Variants in LSM6 observed in about 807,000 individuals in gnomAD.
LSM6 encodes the protein U6 snRNA-associated Sm-like protein LSm6.
A neutral mutation model predicts 13.5 loss-of-function variants in LSM6; 2 were observed. That is an observed-to-expected ratio of 0.15 (90% CI 0.06 to 0.47). The LOEUF is 0.47. Ranked by LOEUF, LSM6 falls within the 20% of genes least tolerant of loss-of-function variation. The probability of loss-of-function intolerance (pLI) is 0.97; values close to 1 mark genes in which losing one functional copy is unlikely to be tolerated. For missense variants in LSM6, 58 were observed against 96.4 expected, an observed-to-expected ratio of 0.60 and a Z score of 1.67; for synonymous variants, 43 against 34.9, an observed-to-expected ratio of 1.23 and a Z score of -0.82.
chr4:146,188,958 T>C (rs1423741293), intron 3 of LSM6, among the ~76,000 whole-genome samples: 1 of 151,946 alleles, frequency 6.6e-6, no homozygotes, highest in Non-Finnish European at 1.5e-5. Flanking sequence ...CCTGGTTAGA[T>C]TTACTGATTT....
At chr4:146,189,584 T>C (rs1730423765) in intron 3 of LSM6, 38 bp from the exon 4 acceptor site, 1 of 1,415,486 alleles carries the variant, frequency 7.1e-7, no homozygotes, top group Admixed American at 1.9e-5. Context: ...ACAAGCAGGG[T>C]TTTTTAAATT....
intron 2 of LSM6, among the ~76,000 whole-genome samples, chr4:146,186,987 T>C (rs570489166): frequency 6.6e-6 from 1 of 152,228 alleles, no homozygotes; most frequent in South Asian, 2.1e-4. Flanking sequence ...TCTCTTACTT[T>C]TTTGAATGCT....
intron 2 of LSM6, among the ~76,000 whole-genome samples, chr4:146,185,130 G>A (rs1456041492): frequency 2.0e-5 from 3 of 152,088 alleles, no homozygotes; most frequent in African/African-American, 7.2e-5. Context: ...GACATATATT[G>A]TGAAGTTGAC....
At chr4:146,184,333 A>G (rs139275315) in intron 2 of LSM6, among the ~76,000 whole-genome samples, 23 of 152,250 alleles carry the variant, frequency 1.5e-4, no homozygotes, top group African/African-American at 4.1e-4. Flanking sequence ...TAATAGTCAT[A>G]GTAATCTCTT....
rs200388070 is a variant in LSM6 at position 146,182,974 on chromosome 4, G to A, written c.53G>A (p.Arg18Gln). The change falls in exon 2 of 4, where the codon CGA (arginine) becomes CAA (glutamine). Residue 18 changes from arginine (R) to glutamine (Q), a missense_variant. Physicochemically the swap from Arg to Gln is conservative, Grantham distance 43. This residue lies in a region of LSM6 where 28 missense variants were observed against 32.6 expected (regional missense o/e 0.86). Transcript: ENST00000296581. ...PSDFLKQIIGRPVVVKLNSGV... is the reference protein window; with the variant it reads ...PSDFLKQIIGQPVVVKLNSGV... ...GACTTCTTAAAGCAAATCATCGGAC[G>A]ACCAGTTGTGGTAAAATTAAATTCT... The A allele has an allele frequency of 6.2e-7, 1 of 1,613,404 alleles. No individual in the cohort carries two copies. The highest frequency in any genetic ancestry group is 8.5e-7 in the Non-Finnish European group (1 of 1,179,480).
At chr4:146,187,528 A>G (rs1730374775) in intron 3 of LSM6, 141 bp downstream of exon 3, 1 of 571,314 alleles carries the variant, frequency 1.8e-6, no homozygotes, top group Non-Finnish European at 3.1e-6. Context: ...TCAGATCTTC[A>G]GTTTGACCAG....
At chr4:146,184,753 T>C (rs1296982471) in intron 2 of LSM6, among the ~76,000 whole-genome samples, 7 of 152,208 alleles carry the variant, frequency 4.6e-5, no homozygotes, top group East Asian at 3.8e-4. Context: ...AAAATTTTTC[T>C]ATTTATAAAG....
At chr4:146,181,816 AC>A (rs1730238032) in intron 1 of LSM6, among the ~76,000 whole-genome samples, 1 of 152,200 alleles carries the variant, frequency 6.6e-6, no homozygotes, top group Admixed American at 6.5e-5. Flanking sequence ...TTGCTTAACT[AC>A]AGTTTTATTA....
intron 1 of LSM6, among the ~76,000 whole-genome samples, chr4:146,178,171 C>T (rs1730151481): frequency 6.6e-6 from 1 of 152,170 alleles, no homozygotes; most frequent in Admixed American, 6.5e-5. Context: ...TTGGCACTGG[C>T]CTTGAATGTC....
intron 3 of LSM6, among the ~76,000 whole-genome samples, chr4:146,187,824 C>A (rs1452096520): frequency 6.6e-6 from 1 of 152,152 alleles, no homozygotes; most frequent in African/African-American, 2.4e-5. Context: ...AGATTTGCAT[C>A]CTTCAGTTTG....
intron 2 of LSM6, among the ~76,000 whole-genome samples, chr4:146,186,709 G>C (rs1453417380): frequency 2.0e-5 from 3 of 152,222 alleles, no homozygotes; most frequent in Admixed American, 2.0e-4. Context: ...TTCACTGTGA[G>C]TCACAGCTTT....
intron 1 of LSM6, among the ~76,000 whole-genome samples, chr4:146,180,258 C>T (rs1489479618): frequency 6.6e-6 from 1 of 152,194 alleles, no homozygotes; most frequent in Non-Finnish European, 1.5e-5. Flanking sequence ...GTTTCTTGCC[C>T]TCTCTGGAAT....
intron 2 of LSM6, among the ~76,000 whole-genome samples, chr4:146,183,877 T>C (rs553599561): frequency 7.2e-4 from 108 of 149,086 alleles, no homozygotes; most frequent in Admixed American, 6.3e-3. Flanking sequence ...TTTCTTTTTT[T>C]TTTTTTTTTT....
intron 1 of LSM6, among the ~76,000 whole-genome samples, chr4:146,182,553 C>T (rs1730253664): frequency 6.6e-6 from 1 of 152,236 alleles, no homozygotes; most frequent in Non-Finnish European, 1.5e-5. Context: ...TAACCAACCA[C>T]TCACTGAATG....
intron 2 of LSM6, chr4:146,183,639 A>G (rs1404865007): frequency 6.6e-6 from 1 of 152,476 alleles, no homozygotes; most frequent in Non-Finnish European, 1.5e-5. Context: ...AATATTTGGC[A>G]GGTGTAACTA....
chr4:146,182,034 A>G (rs567186347), intron 1 of LSM6, among the ~76,000 whole-genome samples: 6 of 152,112 alleles, frequency 3.9e-5, no homozygotes, highest in Admixed American at 6.5e-5. Flanking sequence ...TAATAGAGTA[A>G]TTAAAAATCT....
intron 1 of LSM6, among the ~76,000 whole-genome samples, chr4:146,177,236 C>G (rs1054199136): frequency 6.6e-6 from 1 of 152,254 alleles, no homozygotes; most frequent in African/African-American, 2.4e-5. Context: ...TTCCTGCCTC[C>G]CAAGTGAGTA....
chr4:146,180,320 G>T (rs1469765459), intron 1 of LSM6, among the ~76,000 whole-genome samples: 5 of 152,176 alleles, frequency 3.3e-5, no homozygotes, highest in African/African-American at 1.2e-4. Context: ...CCCCAACCCT[G>T]TGCGCCTGAA....
At chr4:146,188,227 T>C (rs987222753) in intron 3 of LSM6, among the ~76,000 whole-genome samples, 13 of 152,224 alleles carry the variant, frequency 8.5e-5, no homozygotes, top group African/African-American at 3.1e-4. Flanking sequence ...GTCCTTTCTA[T>C]TTATAGAATT....
Sources: gnomAD v4.1 joint callset for allele counts (sites outside exome capture counted in the v4.1 genomes callset) on GRCh38, gnomAD v4.1.1 for gene constraint, gnomAD v4.1.1 regional missense constraint, MANE v1.5 for transcripts, NCBI Gene and HGNC (gene_info 2026-07-23, HGNC 2026-07-21) for gene names.